GNAZ: variants seen among roughly 807,000 people sequenced by gnomAD.
GNAZ encodes guanine nucleotide-binding protein G(z) subunit alpha.
A neutral mutation model predicts 25.4 loss-of-function variants in GNAZ; 3 were observed. The ratio of observed to expected loss-of-function variants is 0.12; its 90% confidence interval spans 0.05 to 0.30. The LOEUF (loss-of-function observed/expected upper bound fraction) is 0.30, where lower values mean the gene tolerates loss of function less well. Among genes scored for constraint, GNAZ ranks in the 10% least tolerant of loss-of-function variants. GNAZ has a pLI of 1.00. For missense variants in GNAZ, 241 were observed against 501.8 expected (o/e 0.48, Z 4.97); for synonymous variants, 211 against 205.7 (o/e 1.03, Z -0.22).
chr22:23,081,573 G>T (rs1373615321), intron 1 of GNAZ, among the ~76,000 whole-genome samples: 1 of 140,138 alleles, frequency 7.1e-6, no homozygotes, highest in Non-Finnish European at 1.5e-5. Context: ...TGTAATCCCA[G>T]CACTTTGGGA....
Position 23,090,850 on chromosome 22 carries a change from C to G in GNAZ, c.-449-4397C>G, listed in dbSNP as rs146724730. Among the ~76,000 whole-genome samples, 508 of 152,336 alleles carry G rather than the reference C, an allele frequency of 3.3e-3. 1 individual carries two copies. Among genetic ancestry groups the G allele is most frequent in the South Asian group, 6.4e-3 (31 of 4,828 alleles). ...CTGCCTGTAGTCTGACTCCTGCCCT[C>G]CCACCTGAGCAAAAATAGGGAATAG... On this transcript the variant is annotated intron_variant, in intron 1 of 2. Coordinates refer to ENST00000615612, the MANE Select transcript of GNAZ (RefSeq NM_002073.4).
intron 1 of GNAZ, among the ~76,000 whole-genome samples, chr22:23,086,078 T>C (rs1569166319): frequency 6.6e-6 from 1 of 152,268 alleles, no homozygotes; most frequent in South Asian, 2.1e-4. Context: ...TACTTCTGTC[T>C]ACGGCGGGTG....
intron 1 of GNAZ, among the ~76,000 whole-genome samples, chr22:23,073,182 G>A (rs1003685599): frequency 6.6e-6 from 1 of 152,200 alleles, no homozygotes; most frequent in Non-Finnish European, 1.5e-5. Flanking sequence ...GCAGGTGCAC[G>A]GGCACACTGG....
chr22:23,075,491 A>G (rs3788339), intron 1 of GNAZ, among the ~76,000 whole-genome samples: 34,415 of 152,176 alleles, frequency 0.23, 5,399 homozygotes, highest in African/African-American at 0.44. Flanking sequence ...TCACACAGCA[A>G]TGGCTTCTTT....
At chr22:23,085,098 A>G (rs2068782599) in intron 1 of GNAZ, among the ~76,000 whole-genome samples, 1 of 152,130 alleles carries the variant, frequency 6.6e-6, no homozygotes, top group African/African-American at 2.4e-5. Context: ...CACCTCAGAT[A>G]GGTGGACATG....
chr22:23,095,115 T>G, intron 1 of GNAZ, 132 bp from the exon 2 acceptor site: 1 of 158,706 alleles, frequency 6.3e-6, no homozygotes, highest in Non-Finnish European at 1.4e-5. Flanking sequence ...GAGAGGGGGT[T>G]GGATGGATTG....
chr22:23,074,273 T>C (rs1010681421), intron 1 of GNAZ, among the ~76,000 whole-genome samples: 2 of 152,152 alleles, frequency 1.3e-5, no homozygotes, highest in South Asian at 4.1e-4. Flanking sequence ...CATGAGGGGC[T>C]ACTGCAACAT....
Position 23,124,190 on chromosome 22 carries a change from AT to A in GNAZ, c.*769del, listed in dbSNP as rs67228409. The A allele has an allele frequency of 1.2e-3, 163 of 141,404 alleles. No individual in the cohort carries two copies. Among genetic ancestry groups the A allele is most frequent in the Middle Eastern group, 8.1e-3 (2 of 248 alleles). The allele number at this position is 141,404 out of a possible 1,614,324, so 8.8% of individuals were successfully genotyped here. A position where few individuals can be genotyped will look rare whatever the true frequency, so the allele number is the denominator to read the frequency against. On this transcript the variant is annotated 3_prime_UTR_variant, in exon 3 of 3. Coordinates refer to ENST00000615612, the MANE Select transcript of GNAZ (RefSeq NM_002073.4). The stretch of plus-strand genomic sequence containing the variant: ...CAAAACCTGGTTTTCCTTCTCTGAC[AT>A]TTTTTTTTTGTTTTGTTTTTTGGTT...
chr22:23,080,411 T>C (rs1317315487), intron 1 of GNAZ, among the ~76,000 whole-genome samples: 3 of 152,162 alleles, frequency 2.0e-5, no homozygotes, highest in African/African-American at 7.2e-5. Context: ...AGAAGGACAC[T>C]GGGAGGCCCA....
At chr22:23,077,159 C>G (rs1304673362) in intron 1 of GNAZ, among the ~76,000 whole-genome samples, 1 of 152,136 alleles carries the variant, frequency 6.6e-6, no homozygotes, top group South Asian at 2.1e-4. Context: ...GTGAACCTCA[C>G]CACTGTACCC....
intron 2 of GNAZ, among the ~76,000 whole-genome samples, chr22:23,106,276 G>T (rs559812312): frequency 6.6e-6 from 1 of 152,368 alleles, no homozygotes; most frequent in East Asian, 1.9e-4. Context: ...GGTAAGGGGG[G>T]TGGCGCCTTG....
rs1426686305 is a variant in GNAZ, at chr22:23,071,470, A to G, written c.-450+900A>G. On this transcript the variant is annotated intron_variant, in intron 1 of 2. Coordinates refer to ENST00000615612, the MANE Select transcript of GNAZ (RefSeq NM_002073.4). This position sits in a 1 kb window ranked among gnomAD's most constrained non-coding sequence, Gnocchi z 4.1. ...TCTGTCTTGCTTGGGGAGACAGCTG[A>G]GCCCCTGACCGGCTCCTTTCTGCCC... 1.3e-5 allele frequency among the ~76,000 whole-genome samples: 2 copies of G among 152,284 alleles called. No homozygotes were observed. The highest frequency in any genetic ancestry group is 3.9e-4 in the East Asian group (2 of 5,170).
intron 2 of GNAZ, among the ~76,000 whole-genome samples, chr22:23,101,254 G>A (rs2069295842): frequency 6.6e-6 from 1 of 152,206 alleles, no homozygotes; most frequent in Admixed American, 6.5e-5. Flanking sequence ...GCAGGGCTGA[G>A]ACTCTGGCTC....
chr22:23,070,925 G>C (rs1186708011), intron 1 of GNAZ, among the ~76,000 whole-genome samples: 1 of 152,068 alleles, frequency 6.6e-6, no homozygotes, highest in Non-Finnish European at 1.5e-5. Context: ...TGCGGAGCCC[G>C]GGCGGGCCAG....
chr22:23,078,127 C>T (rs1026571186), intron 1 of GNAZ, among the ~76,000 whole-genome samples: 6 of 152,200 alleles, frequency 3.9e-5, no homozygotes, highest in East Asian at 1.9e-4. Flanking sequence ...GGCCTGTCTC[C>T]GAGCTGGGCT....
chr22:23,094,819 C>T lies in GNAZ; in HGVS notation c.-449-428C>T, dbSNP rs3810613. Among the ~76,000 whole-genome samples the T allele has an allele frequency of 3.1e-4, 47 of 152,332 alleles. 1 individual carries two copies. In the East Asian group the frequency reaches 7.3e-3, roughly 24 times the overall value. ...GGGTAATGAGAGTCAGGGAGGCGCT[C>T]AGTTATCCCAGGGCTGGGCCGAGGC... On this transcript the variant is annotated intron_variant, in intron 1 of 2. Transcript: ENST00000615612.
intron 2 of GNAZ, among the ~76,000 whole-genome samples, chr22:23,115,238 C>T (rs1430477200): frequency 6.6e-6 from 1 of 152,176 alleles, no homozygotes. Context: ...CCCAATACAA[C>T]ACAGTCCGGG....
At chr22:23,104,951 C>G (rs981539992) in intron 2 of GNAZ, among the ~76,000 whole-genome samples, 3 of 152,250 alleles carry the variant, frequency 2.0e-5, no homozygotes, top group African/African-American at 7.2e-5. Context: ...GGTGTTTCTT[C>G]TCTCTGCATG....
At chr22:23,120,297 G>A (rs747537344) in intron 2 of GNAZ, among the ~76,000 whole-genome samples, 5 of 151,888 alleles carry the variant, frequency 3.3e-5, no homozygotes, top group Non-Finnish European at 5.9e-5. Flanking sequence ...CAGGACTCAC[G>A]GGGGCCACAG....
Sources: allele counts gnomAD v4.1 joint callset (sites outside exome capture counted in the v4.1 genomes callset), GRCh38; gene constraint gnomAD v4.1.1; non-coding constraint Gnocchi (gnomAD v3.1); transcripts MANE v1.5; gene names NCBI Gene and HGNC (gene_info 2026-07-23, HGNC 2026-07-21).